The following SHISA9 variants were observed in gnomAD, a reference collection of about 807,000 sequenced individuals.
The protein encoded by SHISA9 is shisa family member 9.
In SHISA9, 13 loss-of-function variants were observed where a neutral mutation model predicts 38.0. That is an observed-to-expected ratio of 0.34 (90% CI 0.22 to 0.54). The LOEUF is 0.54. Ranked by LOEUF, SHISA9 falls within the 20% of genes least tolerant of loss-of-function variation. The pLI, the probability that SHISA9 is intolerant of heterozygous loss-of-function variation, is 0.91. For synonymous variants in SHISA9, 275 were observed against 242.0 expected (o/e 1.14, Z -1.27); for missense variants, 538 against 575.8 (o/e 0.93, Z 0.67).
chr16:13,500,828 C>G, the SHISA9 span, among the ~76,000 whole-genome samples: 12 of 152,156 alleles, frequency 7.9e-5, no homozygotes, highest in Non-Finnish European at 8.8e-5. Flanking sequence ...TAGGGCAGCT[C>G]TAAGAAGCAC....
the SHISA9 span, among the ~76,000 whole-genome samples, chr16:13,386,439 A>G: frequency 6.6e-6 from 1 of 152,164 alleles, no homozygotes; most frequent in Non-Finnish European, 1.5e-5. Context: ...TCAAATTCTG[A>G]TTCCACCACT....
At chr16:13,260,007 C>CTCTTTTTTTTTTTTTTTTT in the SHISA9 span, among the ~76,000 whole-genome samples, 5 of 60,420 alleles carry the variant, frequency 8.3e-5, no homozygotes, top group Non-Finnish European at 1.5e-4. Context: ...TTCTTTCTTT[C>CTCTTTTTTTTTTTTTTTTT]TTTTTTTTTT....
intron 2 of SHISA9, among the ~76,000 whole-genome samples, chr16:12,982,834 C>T (rs562621846): frequency 5.9e-5 from 9 of 152,288 alleles, no homozygotes; most frequent in African/African-American, 2.2e-4. Flanking sequence ...ACTTAAAAAG[C>T]ATTGCATAAA....
At chr16:13,387,741 G>C in the SHISA9 span, among the ~76,000 whole-genome samples, 1 of 152,106 alleles carries the variant, frequency 6.6e-6, no homozygotes, top group African/African-American at 2.4e-5. Flanking sequence ...GCCCGCCTCG[G>C]CCTCCCAAAG....
intron 2 of SHISA9, among the ~76,000 whole-genome samples, chr16:13,016,798 A>G (rs1596587001): frequency 6.6e-6 from 1 of 152,192 alleles, no homozygotes; most frequent in African/African-American, 2.4e-5. Context: ...CATCTTGGAA[A>G]ATCAGGGACA....
At chr16:13,192,840 A>C (rs891987487) in intron 2 of SHISA9, among the ~76,000 whole-genome samples, 25 of 152,010 alleles carry the variant, frequency 1.6e-4, no homozygotes, top group African/African-American at 5.3e-4. Flanking sequence ...GCACCATTGC[A>C]CTTCAGTCTG....
chr16:13,175,832 G>T (rs2050727183), intron 2 of SHISA9, among the ~76,000 whole-genome samples: 1 of 152,140 alleles, frequency 6.6e-6, no homozygotes, highest in Non-Finnish European at 1.5e-5. Flanking sequence ...TGCTTCCAAG[G>T]GTGGGTGGGG....
intron 2 of SHISA9, among the ~76,000 whole-genome samples, chr16:13,175,304 G>A (rs561292950): frequency 9.2e-5 from 14 of 152,290 alleles, no homozygotes; most frequent in Non-Finnish European, 8.8e-5. Flanking sequence ...TGGGAGGATC[G>A]CTCAAGTCCA....
intron 2 of SHISA9, among the ~76,000 whole-genome samples, chr16:13,195,925 TA>T (rs1293447107): frequency 6.6e-6 from 1 of 150,740 alleles, no homozygotes; most frequent in Non-Finnish European, 1.5e-5. Flanking sequence ...CTGTCTCTAC[TA>T]AAAATAAAAA....
chr16:13,561,191 G>A, the SHISA9 span, among the ~76,000 whole-genome samples: 2 of 152,090 alleles, frequency 1.3e-5, no homozygotes, highest in African/African-American at 4.8e-5. Flanking sequence ...AATATCATAT[G>A]TACACTAGGG....
intron 2 of SHISA9, among the ~76,000 whole-genome samples, chr16:13,100,795 C>T (rs1024319554): frequency 1.3e-5 from 2 of 152,188 alleles, no homozygotes; most frequent in Admixed American, 6.5e-5. Flanking sequence ...GCAACCTCTG[C>T]CTCTCCGGTT....
At chr16:13,112,907 G>A (rs1456461519) in intron 2 of SHISA9, among the ~76,000 whole-genome samples, 1 of 151,824 alleles carries the variant, frequency 6.6e-6, no homozygotes, top group Non-Finnish European at 1.5e-5. Flanking sequence ...CAGCTTGCAG[G>A]CAATAGAGTA....
intron 2 of SHISA9, among the ~76,000 whole-genome samples, chr16:13,067,512 C>T (rs1346556739): frequency 6.6e-6 from 1 of 152,220 alleles, no homozygotes; most frequent in Non-Finnish European, 1.5e-5. Flanking sequence ...TTCTCTTGGC[C>T]AAGGCCAATG....
At chr16:13,186,983 C>T (rs889955717) in intron 2 of SHISA9, among the ~76,000 whole-genome samples, 4 of 152,328 alleles carry the variant, frequency 2.6e-5, no homozygotes, top group Admixed American at 6.5e-5. Flanking sequence ...TCGATGGACA[C>T]GTGGGTTGCT....
the SHISA9 span, among the ~76,000 whole-genome samples, chr16:13,490,136 T>C: frequency 6.6e-6 from 1 of 151,868 alleles, no homozygotes; most frequent in African/African-American, 2.4e-5. Context: ...CAGCTGAGTT[T>C]GTGAAGATAA....
rs1284340316 is a variant in SHISA9 at position 13,235,266 on chromosome 16, C to T, written c.1132C>T (p.Leu378Phe). Residue 378 changes from leucine to phenylalanine, a missense_variant, in exon 5 of 5, where the codon CTC (leucine) becomes TTC (phenylalanine). Leu to Phe is a conservative substitution (Grantham distance 22). Around this residue, in one of 4 missense-constraint regions of SHISA9, gnomAD observed 326 missense variants for 305.9 expected, o/e 1.07. Coordinates refer to ENST00000558583, the MANE Select transcript of SHISA9 (RefSeq NM_001145204.3). ...FKGWDPNEQS[L>F]RRQAYSNKGK... The stretch of plus-strand genomic sequence containing the variant: ...GGGCTGGGACCCCAACGAGCAGTCC[C>T]TCCGGCGGCAGGCTTACAGCAACAA... 1 of 1,551,732 alleles carries T rather than the reference C, an allele frequency of 6.4e-7. No homozygotes were observed. The highest frequency in any genetic ancestry group is 2.0e-5 in the Admixed American group (1 of 51,000).
chr16:13,253,916 A>G, the SHISA9 span, among the ~76,000 whole-genome samples: 1 of 151,786 alleles, frequency 6.6e-6, no homozygotes. Context: ...TTTTTTTTTC[A>G]CTTTTTAAAA....
the SHISA9 span, among the ~76,000 whole-genome samples, chr16:13,541,207 T>C: frequency 1.3e-5 from 2 of 152,142 alleles, no homozygotes; most frequent in East Asian, 1.9e-4. Context: ...TAAAGGTTAT[T>C]GGTCCCAGAC....
the SHISA9 span, among the ~76,000 whole-genome samples, chr16:13,285,526 T>C: frequency 9.4e-5 from 14 of 149,536 alleles, no homozygotes; most frequent in African/African-American, 3.0e-4. Context: ...AGATTTACTT[T>C]AACGTATGTG....
Sources: allele counts gnomAD v4.1 joint callset (sites outside exome capture counted in the v4.1 genomes callset), GRCh38; gene constraint gnomAD v4.1.1; regional missense constraint gnomAD v4.1.1; transcripts MANE v1.5; gene names NCBI Gene and HGNC (gene_info 2026-07-23, HGNC 2026-07-21).